Variants in EIF4E3 observed in about 807,000 individuals in gnomAD.
EIF4E3 encodes the protein eukaryotic translation initiation factor 4E family member 3, also known as eukaryotic translation initiation factor 4E type 3.
EIF4E3 carries 26 observed loss-of-function variants against 31.7 expected under a neutral mutation model. The ratio of observed to expected loss-of-function variants is 0.82; its 90% CI spans 0.60 to 1.14. The LOEUF (loss-of-function observed/expected upper bound fraction) is 1.14, where lower values mean the gene tolerates loss of function less well. EIF4E3 is among the 50% of genes most tolerant of loss of function. EIF4E3 has a pLI of 0.00. For synonymous variants in EIF4E3, 128 were observed against 107.7 expected (o/e 1.19, Z -1.17); for missense variants, 304 against 270.9 (o/e 1.12, Z -0.86).
chr3:71,732,182 A>G (rs1479818269), intron 1 of EIF4E3, among the ~76,000 whole-genome samples: 1 of 152,164 alleles, frequency 6.6e-6, no homozygotes, highest in Non-Finnish European at 1.5e-5. Flanking sequence ...TAAACACACC[A>G]TATGTACTCA....
At position 71,699,702 on chromosome 3, in the gene EIF4E3, A is replaced by C; in HGVS notation, c.256T>G (p.Trp86Gly). The C allele has an allele frequency of 1.9e-6, 3 of 1,611,262 alleles. No homozygotes were observed. The highest frequency in any genetic ancestry group is 2.5e-6 in the Non-Finnish European group (3 of 1,178,352). Residue 86 changes from tryptophan (W) to glycine (G), a missense_variant, in exon 3 of 7, where the codon TGG becomes GGG. Coordinates refer to ENST00000425534, the MANE Select transcript of EIF4E3 (RefSeq NM_001134651.2). ...IYTVQTVQIF[W>G]SVYNNIPPVT... ...GGAGGGATATTATTGTATACACTCC[A>C]AAATATCTTTAAAAGAAAAACAAAC...
At chr3:71,672,023 A>C (rs941122738), downstream of EIF4E3, among the ~76,000 whole-genome samples, 2 of 152,168 alleles carry the variant, frequency 1.3e-5, no homozygotes, top group Non-Finnish European at 2.9e-5. Flanking sequence ...ATTTAGCAGA[A>C]GGCTTATTTC....
chr3:71,754,488 G>T (rs1303682924), upstream of EIF4E3: 1 of 1,295,328 alleles, frequency 7.7e-7, no homozygotes, highest in Non-Finnish European at 9.8e-7. This position sits in a 1 kb window ranked among gnomAD's most constrained non-coding sequence, Gnocchi z 5.8. Flanking sequence ...GGTGTGCGCC[G>T]CCTGGGCGCT....
chr3:71,691,295 A>G (rs929463126), intron 5 of EIF4E3, among the ~76,000 whole-genome samples: 6 of 152,376 alleles, frequency 3.9e-5, no homozygotes, highest in Non-Finnish European at 7.3e-5. Flanking sequence ...TCTGGAAGTT[A>G]AAACATTTTA....
At chr3:71,663,367 T>G in the EIF4E3 span, among the ~76,000 whole-genome samples, 3 of 152,282 alleles carry the variant, frequency 2.0e-5, no homozygotes, top group Admixed American at 2.0e-4. Flanking sequence ...AGTTTGTTTG[T>G]GGATTAAAAT....
intron 1 of EIF4E3, among the ~76,000 whole-genome samples, chr3:71,751,543 G>A (rs2049929268): frequency 6.6e-6 from 1 of 152,208 alleles, no homozygotes; most frequent in Admixed American, 6.5e-5. Flanking sequence ...GGCAGAGGCA[G>A]CCCAAGCGCT....
chr3:71,754,301 CGCGGCGGGG>C, upstream of EIF4E3: 1 of 1,152,110 alleles, frequency 8.7e-7, no homozygotes, highest in Non-Finnish European at 1.1e-6. This position sits in a 1 kb window ranked among gnomAD's most constrained non-coding sequence, Gnocchi z 5.8. Flanking sequence ...GTGCGGCGGC[CGCGGCGGGG>C]GCGCCGCCGG....
chr3:71,709,891 T>C (rs1489417714), intron 2 of EIF4E3, among the ~76,000 whole-genome samples: 1 of 151,974 alleles, frequency 6.6e-6, no homozygotes, highest in Non-Finnish European at 1.5e-5. Flanking sequence ...ATGAAAGGGG[T>C]TGATCCATGC....
At chr3:71,662,074 T>C in the EIF4E3 span, among the ~76,000 whole-genome samples, 1 of 152,214 alleles carries the variant, frequency 6.6e-6, no homozygotes, top group Non-Finnish European at 1.5e-5. Flanking sequence ...TTATCATTAA[T>C]CATATTATAA....
In EIF4E3 at chr3:71,680,147, A is replaced by G. The variant is rs912115524; in HGVS notation, c.*4535T>C. On this transcript the variant is annotated 3_prime_UTR_variant, in exon 7 of 7. Transcript: ENST00000425534. ...ATTAATGGTTTTCTCCAGCCTTCATAAGATTGTTGGTATCATACATTGGAA... is the reference window on the plus strand; with the variant it reads ...ATTAATGGTTTTCTCCAGCCTTCATGAGATTGTTGGTATCATACATTGGAA... 1 of 152,170 alleles carries G rather than the reference A, an allele frequency of 6.6e-6. No individual in the cohort carries two copies. Among genetic ancestry groups the G allele is most frequent in the Non-Finnish European group, 1.5e-5 (1 of 68,024 alleles). The allele number at this position is 152,170 out of a possible 1,614,324, so 9.4% of individuals were successfully genotyped here. A position where few individuals can be genotyped will look rare whatever the true frequency, so the allele number is the denominator to read the frequency against.
intron 1 of EIF4E3, among the ~76,000 whole-genome samples, chr3:71,712,298 C>T (rs28494038): frequency 0.019 from 2,832 of 152,048 alleles, 55 homozygotes; most frequent in African/African-American, 0.045. Flanking sequence ...ATACCTGGGC[C>T]CCTGATGAAA....
intron 1 of EIF4E3, among the ~76,000 whole-genome samples, chr3:71,744,615 C>T (rs1158070152): frequency 1.3e-5 from 2 of 152,234 alleles, no homozygotes; most frequent in South Asian, 2.1e-4. Context: ...CATGGTGGCA[C>T]GTGCCTGTAG....
chr3:71,752,269 G>A (rs2049937167), intron 1 of EIF4E3, among the ~76,000 whole-genome samples: 1 of 152,190 alleles, frequency 6.6e-6, no homozygotes, highest in Non-Finnish European at 1.5e-5. Flanking sequence ...GGTCCCCAGT[G>A]ATTTCTGCAC....
chr3:71,707,800 C>T (rs1251486117), intron 2 of EIF4E3, among the ~76,000 whole-genome samples: 1 of 151,984 alleles, frequency 6.6e-6, no homozygotes, highest in East Asian at 1.9e-4. Flanking sequence ...AATGTGCAGC[C>T]CACAGAATTC....
At chr3:71,689,364 G>C (rs1349286670) in intron 6 of EIF4E3, among the ~76,000 whole-genome samples, 1 of 152,120 alleles carries the variant, frequency 6.6e-6, no homozygotes, top group African/African-American at 2.4e-5. Flanking sequence ...TGGTTTAATA[G>C]CACTAAGATG....
chr3:71,747,328 G>A (rs908460512), intron 1 of EIF4E3, among the ~76,000 whole-genome samples: 7 of 152,226 alleles, frequency 4.6e-5, no homozygotes, highest in African/African-American at 1.7e-4. Flanking sequence ...CACTATAGTA[G>A]ATATGAAGTG....
At chr3:71,751,662 A>G (rs916245071) in intron 1 of EIF4E3, among the ~76,000 whole-genome samples, 1 of 152,206 alleles carries the variant, frequency 6.6e-6, no homozygotes, top group African/African-American at 2.4e-5. Flanking sequence ...CTCACTCTCA[A>G]TTGATAGCCA....
intron 3 of EIF4E3, among the ~76,000 whole-genome samples, chr3:71,698,298 C>T (rs925213106): frequency 3.3e-5 from 5 of 152,128 alleles, no homozygotes; most frequent in Non-Finnish European, 5.9e-5. Context: ...CAGAGAGGCT[C>T]GCTTGACTCT....
chr3:71,673,529 G>T (rs548281524), downstream of EIF4E3, among the ~76,000 whole-genome samples: 1 of 151,716 alleles, frequency 6.6e-6, no homozygotes, highest in South Asian at 2.1e-4. Flanking sequence ...CTCAGCTTTA[G>T]AAATCTAAGG....
Sources: gnomAD v4.1 joint callset for allele counts (sites outside exome capture counted in the v4.1 genomes callset) on GRCh38, gnomAD v4.1.1 for gene constraint, Gnocchi (gnomAD v3.1) non-coding constraint, MANE v1.5 for transcripts, NCBI Gene and HGNC (gene_info 2026-07-23, HGNC 2026-07-21) for gene names.